Variants in PLLP observed in about 807,000 individuals in gnomAD.
The protein encoded by PLLP is plasmolipin.
Under a neutral mutation model 19.7 loss-of-function variants are expected in PLLP, and 15 were observed. That is an observed-to-expected ratio of 0.76 (90% CI 0.51 to 1.17). The LOEUF (loss-of-function observed/expected upper bound fraction) is 1.17. PLLP is among the 50% of genes most tolerant of loss of function. The pLI is 0.00. For synonymous variants in PLLP, 111 were observed against 116.3 expected (o/e 0.95, Z 0.29); for missense variants, 255 against 258.3 (o/e 0.99, Z 0.09).
At chr16:57,276,188 G>A (rs191937863) in intron 1 of PLLP, among the ~76,000 whole-genome samples, 49 of 152,320 alleles carry the variant, frequency 3.2e-4, no homozygotes, top group African/African-American at 1.2e-3. Context: ...TAGGTTTGGT[G>A]GCTCATGCCT....
At chr16:57,284,360 G>T (rs1436477531) in intron 1 of PLLP, 46 bp downstream of exon 1, 4 of 1,328,272 alleles carry the variant, frequency 3.0e-6, no homozygotes, top group Admixed American at 3.9e-5. Flanking sequence ...ATCCTGGCCG[G>T]ACCGGGAGCC....
intron 1 of PLLP, among the ~76,000 whole-genome samples, chr16:57,262,289 C>T (rs1330857662): frequency 2.6e-5 from 4 of 152,188 alleles, no homozygotes; most frequent in East Asian, 3.9e-4. Flanking sequence ...CAGTGGCTCA[C>T]GTCTGTAATC....
chr16:57,275,490 A>T lies in PLLP; in HGVS notation c.135+8916T>A, dbSNP rs1425864376. 2.0e-5 allele frequency among the ~76,000 whole-genome samples: 3 copies of T among 152,150 alleles called. No individual in the cohort carries two copies. In the East Asian group the frequency reaches 5.8e-4, roughly 29 times the overall value. On this transcript the variant is annotated intron_variant, in intron 1 of 3. Coordinates refer to ENST00000219207, the MANE Select transcript of PLLP (RefSeq NM_015993.3). ...GGTAATTAAATACAACAAATATGTAACAATGTTAATACATTCCAGACAGAT... is the reference window on the plus strand; with the variant it reads ...GGTAATTAAATACAACAAATATGTATCAATGTTAATACATTCCAGACAGAT...
intron 1 of PLLP, among the ~76,000 whole-genome samples, chr16:57,274,069 C>G (rs1395737089): frequency 6.6e-6 from 1 of 152,048 alleles, no homozygotes; most frequent in Non-Finnish European, 1.5e-5. Flanking sequence ...CTCACTGCAG[C>G]CTTGAACTCC....
intron 1 of PLLP, among the ~76,000 whole-genome samples, chr16:57,271,942 A>G (rs1355611854): frequency 6.6e-6 from 1 of 151,820 alleles, no homozygotes; most frequent in East Asian, 1.9e-4. Flanking sequence ...TCCTAGGCCT[A>G]CCCCACAAAG....
intron 1 of PLLP, among the ~76,000 whole-genome samples, chr16:57,279,548 C>CTG (rs1901193248): frequency 6.6e-6 from 1 of 152,022 alleles, no homozygotes; most frequent in African/African-American, 2.4e-5. Flanking sequence ...GTGGCATGTA[C>CTG]CTGTCGTCCC....
Position 57,256,873 on chromosome 16 carries a change from C to T in PLLP, c.*40G>A, listed in dbSNP as rs746920283. Reference sequence around the variant, plus strand: ...AGGGTGACCCTGCTCTGTGACCCAGCGGCGGCTTCAGCCCCAGAGGGGGCC... The same window carrying T: ...AGGGTGACCCTGCTCTGTGACCCAGTGGCGGCTTCAGCCCCAGAGGGGGCC... On this transcript the variant is annotated 3_prime_UTR_variant, in exon 4 of 4. Transcript: ENST00000219207. 2.9e-6 allele frequency: 4 copies of T among 1,368,528 alleles called. No individual in the cohort carries two copies. The highest frequency in any genetic ancestry group is 1.0e-6 in the Non-Finnish European group (1 of 961,184). 84.8% of individuals were successfully genotyped at this position (1,368,528 alleles called of 1,614,324 possible).
rs2075425785 is a variant in PLLP, at chr16:57,256,527, T to TA, written c.*385dup. On this transcript the variant is annotated 3_prime_UTR_variant, in exon 4 of 4. Transcript: ENST00000219207. ...GGTGCTACGTGTTGCTTGTTAGGCTTATACTACGGCGGGTCTGGGGCTGCA... is the reference window on the plus strand; with the variant it reads ...GGTGCTACGTGTTGCTTGTTAGGCTTAATACTACGGCGGGTCTGGGGCTGCA... 4.8e-6 allele frequency: 1 copy of TA among 209,816 alleles called. No homozygotes were observed. Among genetic ancestry groups the TA allele is most frequent in the Non-Finnish European group, 9.4e-6 (1 of 106,130 alleles). 13.0% of individuals were successfully genotyped at this position (209,816 alleles called of 1,614,324 possible).
At chr16:57,271,404 G>A (rs994425799) in intron 1 of PLLP, among the ~76,000 whole-genome samples, 4 of 151,998 alleles carry the variant, frequency 2.6e-5, no homozygotes, top group African/African-American at 4.8e-5. Flanking sequence ...AGCACTTTGG[G>A]AGGTCAAGGC....
intron 1 of PLLP, among the ~76,000 whole-genome samples, chr16:57,266,729 G>A (rs1436164101): frequency 6.6e-6 from 1 of 151,896 alleles, no homozygotes; most frequent in Admixed American, 6.6e-5. Context: ...ATATCTAACT[G>A]TCTCTCTCCT....
rs536964782 is a variant in PLLP, at chr16:57,270,462, C to T, written c.136-8392G>A. 4.6e-4 allele frequency among the ~76,000 whole-genome samples: 70 copies of T among 151,886 alleles called. 1 individual carries two copies. The highest frequency in any genetic ancestry group is 1.5e-3 in the African/African-American group (61 of 41,396). On this transcript the variant is annotated intron_variant, in intron 1 of 3. Transcript: ENST00000219207. ...CCCACTGCTCCATCCAGGAAAACCA[C>T]GCCCAGCATGGCAAAGCAAACCCTT... is the stretch of plus-strand genomic sequence containing the variant.
chr16:57,280,895 A>T (rs1901211513), intron 1 of PLLP, among the ~76,000 whole-genome samples: 1 of 152,244 alleles, frequency 6.6e-6, no homozygotes, highest in African/African-American at 2.4e-5. Flanking sequence ...CTGATACCGA[A>T]TGAAAAGTGT....
chr16:57,259,073 A>G (rs7202498), intron 2 of PLLP, among the ~76,000 whole-genome samples: 15,841 of 152,100 alleles, frequency 0.1, 1,064 homozygotes, highest in East Asian at 0.24. Context: ...GTTTCCAGGG[A>G]GTCAGCCCAT....
intron 1 of PLLP, among the ~76,000 whole-genome samples, chr16:57,266,687 GTCCCC>G: frequency 1.3e-5 from 2 of 152,032 alleles, no homozygotes; most frequent in Non-Finnish European, 2.9e-5. Flanking sequence ...ATGTTCGTCT[GTCCCC>G]GTGTTTCTCT....
chr16:57,273,895 C>T (rs1218452093), intron 1 of PLLP, among the ~76,000 whole-genome samples: 4 of 152,226 alleles, frequency 2.6e-5, no homozygotes, highest in African/African-American at 4.8e-5. Flanking sequence ...TTGCTCCCTG[C>T]TGTGTGATCC....
Position 57,262,001 on chromosome 16 carries a change from CCCAG to C in PLLP, c.201_204del (p.Trp68Ter). On this transcript the variant is annotated frameshift_variant, in exon 2 of 4. Transcript: ENST00000219207. LOFTEE classifies it high-confidence loss of function. Reference sequence around the variant, plus strand: ...CAGAGGAAGACAGCGACGAACATCACCCAGCCATAGGCCGGATACAGGTGGTACG... The same window carrying C: ...CAGAGGAAGACAGCGACGAACATCACCCATAGGCCGGATACAGGTGGTACG... 1 of 1,614,108 alleles carries C rather than the reference CCCAG, an allele frequency of 6.2e-7. No homozygotes were observed.
chr16:57,283,212 G>GT (rs1184057496), intron 1 of PLLP, among the ~76,000 whole-genome samples: 1 of 152,102 alleles, frequency 6.6e-6, no homozygotes, highest in East Asian at 1.9e-4. Context: ...TCCGGGGGTG[G>GT]AGTCCAATAA....
At chr16:57,281,154 C>G (rs1188883702) in intron 1 of PLLP, among the ~76,000 whole-genome samples, 1 of 152,228 alleles carries the variant, frequency 6.6e-6, no homozygotes, top group African/African-American at 2.4e-5. Context: ...ACCACTCCCT[C>G]CATAATGACA....
intron 1 of PLLP, 23 bp downstream of exon 1, chr16:57,284,383 C>T: frequency 7.3e-7 from 1 of 1,363,248 alleles, no homozygotes; most frequent in East Asian, 3.1e-5. Flanking sequence ...CGGCCAACCC[C>T]GTGGGCCCGC....
Sources: gnomAD v4.1 joint callset for allele counts (sites outside exome capture counted in the v4.1 genomes callset) on GRCh38, gnomAD v4.1.1 for gene constraint, MANE v1.5 for transcripts, NCBI Gene and HGNC (gene_info 2026-07-23, HGNC 2026-07-21) for gene names.